Variants in MAML2 observed in about 807,000 individuals in gnomAD.
MAML2 encodes mastermind-like protein 2.
MAML2 carries 22 observed loss-of-function variants against 96.1 expected under a neutral mutation model. That is an observed-to-expected ratio of 0.23 (90% CI 0.16 to 0.33). MAML2 has a LOEUF of 0.33. Ranked by LOEUF, MAML2 falls within the 10% of genes least tolerant of loss-of-function variation. MAML2 has a pLI of 1.00. For synonymous variants in MAML2, 561 were observed against 521.3 expected (o/e 1.08, Z -1.04); for missense variants, 1,367 against 1,392.4 (o/e 0.98, Z 0.29).
chr11:96,030,634 A>G (rs1858597896), intron 2 of MAML2, among the ~76,000 whole-genome samples: 1 of 152,216 alleles, frequency 6.6e-6, no homozygotes, highest in African/African-American at 2.4e-5. Context: ...AAACAGCTCA[A>G]AACTCAAGCT....
intron 2 of MAML2, among the ~76,000 whole-genome samples, chr11:96,027,180 A>T (rs1858539078): frequency 6.6e-6 from 1 of 152,198 alleles, no homozygotes; most frequent in Non-Finnish European, 1.5e-5. Context: ...CCTTTGAACA[A>T]ACCTTACATT....
intron 2 of MAML2, among the ~76,000 whole-genome samples, chr11:96,036,665 C>A (rs1208789668): frequency 6.6e-6 from 1 of 152,084 alleles, no homozygotes; most frequent in Non-Finnish European, 1.5e-5. Context: ...TATGTTGAAT[C>A]CTTATCTATT....
chr11:96,176,918 G>C (rs1425639615), intron 1 of MAML2, among the ~76,000 whole-genome samples: 1 of 152,134 alleles, frequency 6.6e-6, no homozygotes, highest in Non-Finnish European at 1.5e-5. Flanking sequence ...GACTGAGCAC[G>C]CTATATGCCA....
intron 1 of MAML2, among the ~76,000 whole-genome samples, chr11:96,145,706 C>T (rs1477167704): frequency 1.3e-5 from 2 of 152,130 alleles, no homozygotes; most frequent in African/African-American, 4.8e-5. Context: ...TGTGTGAGGG[C>T]TTTTAAAAAT....
intron 1 of MAML2, among the ~76,000 whole-genome samples, chr11:96,309,129 T>C (rs1054964788): frequency 6.6e-6 from 1 of 152,250 alleles, no homozygotes; most frequent in Non-Finnish European, 1.5e-5. Flanking sequence ...TTGAAAGTTC[T>C]GGGTGAATGT....
intron 3 of MAML2, among the ~76,000 whole-genome samples, chr11:95,987,798 G>A (rs1057342360): frequency 6.6e-6 from 1 of 152,164 alleles, no homozygotes; most frequent in Non-Finnish European, 1.5e-5. Context: ...ACACAATTTT[G>A]ATGAGCTAAG....
chr11:96,329,290 G>A (rs1863823867), intron 1 of MAML2, among the ~76,000 whole-genome samples: 1 of 152,168 alleles, frequency 6.6e-6, no homozygotes, highest in Admixed American at 6.5e-5. Flanking sequence ...AATATGGCCA[G>A]AGATGGAGTG....
chr11:96,075,956 G>A (rs1402496781), intron 2 of MAML2, among the ~76,000 whole-genome samples: 1 of 152,186 alleles, frequency 6.6e-6, no homozygotes, highest in Non-Finnish European at 1.5e-5. Context: ...CCCCAAACGT[G>A]AACACTGAAG....
chr11:96,170,124 G>C (rs2135899200), intron 1 of MAML2, among the ~76,000 whole-genome samples: 1 of 152,270 alleles, frequency 6.6e-6, no homozygotes, highest in South Asian at 2.1e-4. Flanking sequence ...CTTTCCACTG[G>C]TTCAGGGCAC....
intron 1 of MAML2, among the ~76,000 whole-genome samples, chr11:96,293,063 A>T (rs1370471840): frequency 1.9e-4 from 29 of 152,230 alleles, no homozygotes. Flanking sequence ...ACTATGCTTG[A>T]AAAGGTTATC....
intron 1 of MAML2, among the ~76,000 whole-genome samples, chr11:96,315,105 T>A (rs2136006840): frequency 1.3e-5 from 2 of 152,358 alleles, no homozygotes; most frequent in Middle Eastern, 6.8e-3. Flanking sequence ...TTTCCTTAGT[T>A]CTAAAGAGTA....
At chr11:96,096,855 G>T (rs569487608) in intron 1 of MAML2, among the ~76,000 whole-genome samples, 121 of 152,324 alleles carry the variant, frequency 7.9e-4, no homozygotes, top group Non-Finnish European at 1.6e-3. Flanking sequence ...AGCACAGCTG[G>T]AGGGATTCCT....
chr11:96,174,536 G>A (rs1014045476), intron 1 of MAML2, among the ~76,000 whole-genome samples: 3 of 151,946 alleles, frequency 2.0e-5, no homozygotes, highest in African/African-American at 4.8e-5. Context: ...GGCACCCGCC[G>A]CCATGCCCAG....
At chr11:96,269,177 G>T (rs1051471064) in intron 1 of MAML2, among the ~76,000 whole-genome samples, 1 of 144,764 alleles carries the variant, frequency 6.9e-6, no homozygotes, top group South Asian at 2.2e-4. Flanking sequence ...TATTGAAGAT[G>T]ATTAAGACGG....
At chr11:96,263,509 A>C (rs1443107726) in intron 1 of MAML2, among the ~76,000 whole-genome samples, 4 of 152,256 alleles carry the variant, frequency 2.6e-5, no homozygotes, top group Non-Finnish European at 5.9e-5. Flanking sequence ...TAAACTACTG[A>C]TGAGTCACAC....
intron 2 of MAML2, among the ~76,000 whole-genome samples, chr11:96,066,231 T>A (rs935445205): frequency 2.0e-5 from 3 of 152,140 alleles, no homozygotes; most frequent in African/African-American, 7.2e-5. Flanking sequence ...TGCTGAAGGG[T>A]CCTGTCACCA....
At chr11:95,987,016 G>C (rs2135705517) in intron 3 of MAML2, among the ~76,000 whole-genome samples, 1 of 152,334 alleles carries the variant, frequency 6.6e-6, no homozygotes, top group African/African-American at 2.4e-5. Flanking sequence ...GGGTCACAGG[G>C]TGTCTCAGTA....
In MAML2 at chr11:96,093,292, G is replaced by T. The variant is rs754410150; in HGVS notation, c.739C>A (p.Pro247Thr). Residue 247 changes from proline (P) to threonine (T), a missense_variant, in exon 2 of 5, where the codon CCA (proline) becomes ACA (threonine). Transcript: ENST00000524717. ...QAPLRKTNTL[P>T]SHTHSPGNGL... ...TTGCCAGGAGAATGTGTATGGGATG[G>T]CAGAGTGTTAGTCTTTCGCAGGGGT... 6.2e-7 allele frequency: 1 copy of T among 1,614,046 alleles called. No individual in the cohort carries two copies. Among genetic ancestry groups the T allele is most frequent in the Non-Finnish European group, 8.5e-7 (1 of 1,179,898 alleles).
At chr11:96,321,009 A>T (rs1048685040) in intron 1 of MAML2, among the ~76,000 whole-genome samples, 1 of 152,212 alleles carries the variant, frequency 6.6e-6, no homozygotes, top group Non-Finnish European at 1.5e-5. Flanking sequence ...GGGTAAAAAC[A>T]ACACTGCAGC....
Sources: allele counts gnomAD v4.1 joint callset (sites outside exome capture counted in the v4.1 genomes callset), GRCh38; gene constraint gnomAD v4.1.1; transcripts MANE v1.5; gene names NCBI Gene and HGNC (gene_info 2026-07-23, HGNC 2026-07-21).